Variants in NDUFAB1 observed in about 807,000 individuals in gnomAD.
NDUFAB1 encodes acyl carrier protein, mitochondrial.
Under a neutral mutation model 16.1 loss-of-function variants are expected in NDUFAB1, and 5 were observed. That is an observed-to-expected ratio of 0.31 (90% CI 0.16 to 0.65). The LOEUF (loss-of-function observed/expected upper bound fraction) is 0.65, where lower values mean the gene tolerates loss of function less well. Ranked by LOEUF, NDUFAB1 falls within the 30% of genes least tolerant of loss-of-function variation. The pLI is 0.77. For synonymous variants in NDUFAB1, 85 were observed against 78.4 expected, an observed-to-expected ratio of 1.08 and a Z score of -0.44; for missense variants, 187 against 205.3, an observed-to-expected ratio of 0.91 and a Z score of 0.54.
chr16:23,594,739 C>G (rs996084290), intron 1 of NDUFAB1, among the ~76,000 whole-genome samples: 5 of 151,896 alleles, frequency 3.3e-5, no homozygotes, highest in Non-Finnish European at 7.4e-5. Context: ...TCGCCCGCCT[C>G]GGCCTCCCAA....
Position 23,583,357 on chromosome 16 carries a change from G to A in NDUFAB1, c.380-982C>T, listed in dbSNP as rs1446956067. On this transcript the variant is annotated intron_variant, in intron 3 of 4. Transcript: ENST00000007516. ...GAGCGTCTCTGCCCGGCCACCCATC[G>A]TCTGAGATGTGGGGAGCGCCTCTGC... Among the ~76,000 whole-genome samples the A allele has an allele frequency of 4.1e-5, 6 of 146,578 alleles. No homozygotes were observed. In the East Asian group the frequency reaches 6.3e-4, roughly 15 times the overall value.
intron 1 of NDUFAB1, among the ~76,000 whole-genome samples, chr16:23,588,491 GGTTT>G (rs1212220282): frequency 1.3e-5 from 2 of 152,176 alleles, no homozygotes; most frequent in East Asian, 3.9e-4. Context: ...AATCTAAATT[GGTTT>G]GTTTACCTCC....
chr16:23,588,035 C>T (rs1966248176), intron 1 of NDUFAB1, among the ~76,000 whole-genome samples: 1 of 152,222 alleles, frequency 6.6e-6, no homozygotes, highest in Non-Finnish European at 1.5e-5. Flanking sequence ...AGGGTATTGA[C>T]CAGATTTCAT....
intron 2 of NDUFAB1, among the ~76,000 whole-genome samples, chr16:23,585,962 C>T (rs1040909923): frequency 6.6e-6 from 1 of 152,210 alleles, no homozygotes; most frequent in African/African-American, 2.4e-5. Context: ...AAGTCTTGCT[C>T]TGTCACCCAG....
chr16:23,587,881 A>C (rs1292072486), intron 1 of NDUFAB1, among the ~76,000 whole-genome samples: 2 of 152,262 alleles, frequency 1.3e-5, no homozygotes, highest in African/African-American at 4.8e-5. Context: ...GAGGGAGCTT[A>C]CAGTCACTAC....
In NDUFAB1 at chr16:23,582,364, G is replaced by A. The variant is rs375421585; in HGVS notation, c.391C>T (p.Pro131Ser). The change falls in exon 4 of 5, where the codon CCT becomes TCT. Residue 131 changes from proline (P) to serine (S), a missense_variant. By Grantham distance (74) the Pro-to-Ser change is moderately conservative. Transcript: ENST00000007516. ...AMEDEFGFEI[P>S]DIDAEKLMCP... is the part of the protein sequence containing the mutation. ...ATTAACTTTTCAGCATCTATATCAGGAATTTCAAACCCTAAAAGAAAAATA... is the reference window on the plus strand; with the variant it reads ...ATTAACTTTTCAGCATCTATATCAGAAATTTCAAACCCTAAAAGAAAAATA... The A allele has an allele frequency of 3.4e-5, 53 of 1,564,136 alleles. No individual in the cohort carries two copies. Among genetic ancestry groups the A allele is most frequent in the Non-Finnish European group, 4.6e-5 (53 of 1,158,398 alleles).
At chr16:23,588,284 G>A (rs1371508433) in intron 1 of NDUFAB1, among the ~76,000 whole-genome samples, 4 of 151,436 alleles carry the variant, frequency 2.6e-5, no homozygotes, top group East Asian at 1.9e-4. Context: ...GTGAAACCCC[G>A]TCTCTACTAA....
chr16:23,583,652 C>T (rs1195417574), intron 3 of NDUFAB1, among the ~76,000 whole-genome samples: 2 of 124,954 alleles, frequency 1.6e-5, no homozygotes, highest in Non-Finnish European at 3.4e-5. Flanking sequence ...AGCCCCTCCG[C>T]CCGGCAGCCG....
chr16:23,583,086 C>G lies in NDUFAB1; in HGVS notation c.380-711G>C, dbSNP rs190649197. Among the ~76,000 whole-genome samples the G allele has an allele frequency of 1.3e-3, 194 of 152,240 alleles. 1 individual carries two copies. The highest frequency in any genetic ancestry group is 4.3e-3 in the African/African-American group (177 of 41,516). On this transcript the variant is annotated intron_variant, in intron 3 of 4. Transcript: ENST00000007516. ...TGCCAGCCTCGGCCTCCCGAGGTGCCGGGATTGCAGATGGAGTCTCGTTCA... is the reference window on the plus strand; with the variant it reads ...TGCCAGCCTCGGCCTCCCGAGGTGCGGGGATTGCAGATGGAGTCTCGTTCA...
At chr16:23,582,978 G>A (rs1966195209) in intron 3 of NDUFAB1, among the ~76,000 whole-genome samples, 1 of 152,272 alleles carries the variant, frequency 6.6e-6, no homozygotes, top group African/African-American at 2.4e-5. Flanking sequence ...CGCCACGCCT[G>A]ACTGGTTTTC....
intron 1 of NDUFAB1, among the ~76,000 whole-genome samples, chr16:23,595,883 G>A (rs1008918372): frequency 3.9e-5 from 6 of 152,230 alleles, no homozygotes; most frequent in African/African-American, 1.4e-4. Flanking sequence ...CCAAAGTTTC[G>A]GTAAGCGGCA....
At position 23,585,330 on chromosome 16, in the gene NDUFAB1, C is replaced by G. The variant is rs969745731; in HGVS notation, c.379+6G>C. The G allele has an allele frequency of 1.7e-5, 28 of 1,602,780 alleles. No homozygotes were observed. Among genetic ancestry groups the G allele is most frequent in the African/African-American group, 2.7e-5 (2 of 74,652 alleles). On this transcript the variant is annotated splice_donor_region_variant and intron_variant, in intron 3 of 4. Transcript: ENST00000007516. The stretch of plus-strand genomic sequence containing the variant: ...CGCAGTGTGTAGATAGAAGACTGAG[C>G]CTTACCAAATTCGTCTTCCATGGCC...
In NDUFAB1 at chr16:23,585,427, C is replaced by A; in HGVS notation, c.292-4G>T. ...TAAAATGAGAATTTACTGAAAGCTG[C>A]AAGAAAGGAGCACCAAACACAAAAT... On this transcript the variant is annotated splice_region_variant and splice_polypyrimidine_tract_variant and intron_variant, in intron 2 of 4. Coordinates refer to ENST00000007516, the MANE Select transcript of NDUFAB1 (RefSeq NM_005003.3). 1 of 1,611,036 alleles carries A rather than the reference C, an allele frequency of 6.2e-7. No individual in the cohort carries two copies. The highest frequency in any genetic ancestry group is 8.5e-7 in the Non-Finnish European group (1 of 1,177,262).
chr16:23,588,365 G>C (rs1232577285), intron 1 of NDUFAB1, among the ~76,000 whole-genome samples: 1 of 152,112 alleles, frequency 6.6e-6, no homozygotes, highest in Non-Finnish European at 1.5e-5. Context: ...TGAGGAAGGA[G>C]AATCGCTTGA....
In NDUFAB1 at chr16:23,582,376, C is replaced by A; in HGVS notation, c.380-1G>T. ...GCATCTATATCAGGAATTTCAAACC[C>A]TAAAAGAAAAATATACAACAATGTG... On this transcript the variant is annotated splice_acceptor_variant, in intron 3 of 4. Transcript: ENST00000007516. LOFTEE classifies it high-confidence loss of function. 6.4e-7 allele frequency: 1 copy of A among 1,555,770 alleles called. No homozygotes were observed. Among genetic ancestry groups the A allele is most frequent in the Non-Finnish European group, 8.7e-7 (1 of 1,154,656 alleles).
chr16:23,586,287 T>G (rs1391831432), intron 2 of NDUFAB1, among the ~76,000 whole-genome samples: 1 of 151,794 alleles, frequency 6.6e-6, no homozygotes, highest in Non-Finnish European at 1.5e-5. Flanking sequence ...GAATGATTCT[T>G]CAAAAACCCA....
intron 1 of NDUFAB1, among the ~76,000 whole-genome samples, chr16:23,589,793 G>A (rs991264230): frequency 3.3e-5 from 5 of 151,868 alleles, no homozygotes; most frequent in African/African-American, 7.3e-5. Flanking sequence ...AAAATTAGCC[G>A]GGCATCGTGG....
Position 23,582,359 on chromosome 16 carries a change from A to G in NDUFAB1, c.396T>C (p.Asp132=). 1 of 1,571,790 alleles carries G rather than the reference A, an allele frequency of 6.4e-7. No homozygotes were observed. Among genetic ancestry groups the G allele is most frequent in the Non-Finnish European group, 8.6e-7 (1 of 1,161,988 alleles). The part of the protein sequence containing the change: ...MEDEFGFEIP[D]IDAEKLMCPQ... ...GACACATTAACTTTTCAGCATCTAT[A>G]TCAGGAATTTCAAACCCTAAAAGAA... The change falls in exon 4 of 5, where the codon GAT becomes GAC. Residue 132 remains aspartate (D), a synonymous_variant. Coordinates refer to ENST00000007516, the MANE Select transcript of NDUFAB1 (RefSeq NM_005003.3).
At chr16:23,585,807 C>A (rs1226604395) in intron 2 of NDUFAB1, among the ~76,000 whole-genome samples, 1 of 152,176 alleles carries the variant, frequency 6.6e-6, no homozygotes, top group East Asian at 1.9e-4. Context: ...TTTTAACATA[C>A]AGAGGCTATA....
Sources: gnomAD v4.1 joint callset for allele counts (sites outside exome capture counted in the v4.1 genomes callset) on GRCh38, gnomAD v4.1.1 for gene constraint, MANE v1.5 for transcripts, NCBI Gene and HGNC (gene_info 2026-07-23, HGNC 2026-07-21) for gene names.